Variants in CCDC7 observed in about 807,000 individuals in gnomAD.
CCDC7 encodes coiled-coil domain-containing protein 7.
Under a neutral mutation model 196.9 loss-of-function variants are expected in CCDC7, and 183 were observed. The ratio of observed to expected loss-of-function variants is 0.93; its 90% CI spans 0.82 to 1.05. The LOEUF (loss-of-function observed/expected upper bound fraction) is 1.05. CCDC7 is among the 50% of genes least tolerant of loss of function. The probability of loss-of-function intolerance (pLI) is 0.00; values close to 1 mark genes in which losing one functional copy is unlikely to be tolerated. For missense variants in CCDC7, 1,540 were observed against 1,482.2 expected, an observed-to-expected ratio of 1.04 and a Z score of -0.64; for synonymous variants, 525 against 484.6, an observed-to-expected ratio of 1.08 and a Z score of -1.10.
intron 31 of CCDC7, among the ~76,000 whole-genome samples, chr10:32,817,686 C>A (rs1303626748): frequency 6.6e-6 from 1 of 152,198 alleles, no homozygotes; most frequent in Non-Finnish European, 1.5e-5. Context: ...CAATATTCAA[C>A]ATTCTTAAAG....
chr10:32,493,652 C>T (rs1190803851), intron 9 of CCDC7, among the ~76,000 whole-genome samples: 1 of 151,966 alleles, frequency 6.6e-6, no homozygotes, highest in Non-Finnish European at 1.5e-5. Context: ...TACATTCTCA[C>T]TAACAGTGTA....
At chr10:32,583,048 G>A (rs749390383) in exon 17 of CCDC7, 39 of 1,231,084 alleles carry the variant, frequency 3.2e-5, no homozygotes, top group Non-Finnish European at 3.6e-5. Context: ...GAGAAGAAAC[G>A]ATCTAGCCCT....
chr10:32,855,953 A>G (rs2093736506), intron 41 of CCDC7, among the ~76,000 whole-genome samples: 1 of 152,218 alleles, frequency 6.6e-6, no homozygotes, highest in African/African-American at 2.4e-5. Context: ...ATTTTTTACA[A>G]GAGTGCTAAG....
At chr10:32,813,873 A>G (rs1295164133) in intron 30 of CCDC7, among the ~76,000 whole-genome samples, 2 of 152,214 alleles carry the variant, frequency 1.3e-5, no homozygotes, top group Admixed American at 1.3e-4. Flanking sequence ...TATAATTGTT[A>G]ACATCCTTTC....
exon 35 of CCDC7, chr10:32,845,566 T>C: frequency 1.2e-6 from 2 of 1,612,244 alleles, no homozygotes; most frequent in Non-Finnish European, 1.7e-6. Context: ...CTTCTTTGCC[T>C]ATGCTACTGG....
intron 9 of CCDC7, among the ~76,000 whole-genome samples, chr10:32,506,429 G>A (rs112168568): frequency 0.13 from 20,390 of 152,158 alleles, 1,614 homozygotes; most frequent in African/African-American, 0.22. Flanking sequence ...AGGCAGAGAC[G>A]CTGCTCACTT....
intron 13 of CCDC7, among the ~76,000 whole-genome samples, chr10:32,561,198 C>A (rs1215830084): frequency 6.6e-6 from 1 of 152,200 alleles, no homozygotes; most frequent in Admixed American, 6.5e-5. Flanking sequence ...GAGACTTAGA[C>A]TCCCACACAA....
chr10:32,845,580 A>G, exon 35 of CCDC7: 4 of 1,612,790 alleles, frequency 2.5e-6, no homozygotes, highest in Non-Finnish European at 3.4e-6. Context: ...CTACTGGAAG[A>G]GGTCTAATGA....
intron 29 of CCDC7, among the ~76,000 whole-genome samples, chr10:32,788,786 G>A (rs2134547052): frequency 6.6e-6 from 1 of 152,348 alleles, no homozygotes; most frequent in African/African-American, 2.4e-5. Context: ...CCAGACATCA[G>A]ACCAGTTCCC....
intron 18 of CCDC7, among the ~76,000 whole-genome samples, chr10:32,596,983 G>T (rs946827569): frequency 6.6e-6 from 1 of 152,086 alleles, no homozygotes; most frequent in Non-Finnish European, 1.5e-5. Flanking sequence ...CAACGTTGGT[G>T]AATTTGACAA....
chr10:32,864,807 T>C (rs1299788435), intron 41 of CCDC7, among the ~76,000 whole-genome samples: 1 of 151,906 alleles, frequency 6.6e-6, no homozygotes, highest in African/African-American at 2.4e-5. Context: ...TTCTTATAGA[T>C]GTCAATGGGA....
chr10:32,467,447 T>G (rs1465441857), intron 5 of CCDC7, among the ~76,000 whole-genome samples: 1 of 151,812 alleles, frequency 6.6e-6, no homozygotes, highest in Admixed American at 6.6e-5. Context: ...TGTTTGTGTC[T>G]TATAAATATG....
intron 29 of CCDC7, among the ~76,000 whole-genome samples, 186 bp downstream of exon 30, chr10:32,779,270 T>C (rs2080642396): frequency 6.6e-6 from 1 of 152,240 alleles, no homozygotes; most frequent in African/African-American, 2.4e-5. Flanking sequence ...TTTTACTCCA[T>C]CAGACAACAT....
intron 18 of CCDC7, among the ~76,000 whole-genome samples, chr10:32,622,327 T>C (rs569190770): frequency 1.3e-5 from 2 of 152,110 alleles, no homozygotes; most frequent in East Asian, 3.9e-4. Context: ...AAAGGAAATA[T>C]GAGATTTAAT....
Position 32,471,091 on chromosome 10 carries a change from G to A in CCDC7, c.538G>A (p.Ala180Thr), listed in dbSNP as rs1423224852. 3 of 1,608,164 alleles carry A rather than the reference G, an allele frequency of 1.9e-6. No homozygotes were observed. In the African/African-American group the frequency reaches 4.0e-5, roughly 22 times the overall value. ...AAGTAAAGATCAAACTCTTTTACAA[G>A]CAGAGCCTCCAAAACCTGACAAAAC... is the stretch of plus-strand genomic sequence containing the variant. Residue 180 changes from alanine (A) to threonine (T), a missense_variant, in exon 6 of 42, where the codon GCA becomes ACA. Coordinates refer to ENST00000639629, the Ensembl canonical transcript of CCDC7.
rs765483640 is a variant in CCDC7 at position 32,846,007 on chromosome 10, C to T, written c.3604+48C>T. On this transcript the variant is annotated intron_variant, in intron 36 of 41. Transcript: ENST00000639629. ...TCTAATATTTAGGCTTATTTATATT[C>T]CCTGAGTTAAATTGAAGTATAGACC... The T allele has an allele frequency of 3.7e-6, 5 of 1,358,262 alleles. No individual in the cohort carries two copies. In the East Asian group the frequency reaches 1.1e-4, roughly 31 times the overall value. 84.1% of individuals were successfully genotyped at this position (1,358,262 alleles called of 1,614,324 possible).
intron 33 of CCDC7, among the ~76,000 whole-genome samples, chr10:32,840,292 A>G (rs755329531): frequency 9.9e-5 from 15 of 152,214 alleles, no homozygotes; most frequent in Non-Finnish European, 2.2e-4. Context: ...AGATCCAAAT[A>G]AGCTCAATTA....
chr10:32,856,016 A>G (rs149660100), intron 41 of CCDC7, among the ~76,000 whole-genome samples: 4 of 152,310 alleles, frequency 2.6e-5, no homozygotes, highest in African/African-American at 9.6e-5. Flanking sequence ...TGAGAAAACT[A>G]GATATCCACA....
chr10:32,776,880 G>GT (rs1243089398), intron 28 of CCDC7, among the ~76,000 whole-genome samples: 2 of 151,728 alleles, frequency 1.3e-5, no homozygotes, highest in African/African-American at 2.4e-5. Context: ...TTTTTTTGTT[G>GT]TTTTTTACTA....
Sources: gnomAD v4.1 joint callset for allele counts (sites outside exome capture counted in the v4.1 genomes callset) on GRCh38, gnomAD v4.1.1 for gene constraint, MANE v1.5 for transcripts, NCBI Gene and HGNC (gene_info 2026-07-23, HGNC 2026-07-21) for gene names.